The following CTNNA1 variants were observed in gnomAD, a reference collection of about 807,000 sequenced individuals.
CTNNA1 encodes catenin alpha-1.
CTNNA1 carries 37 observed loss-of-function variants against 98.4 expected under a neutral mutation model. That is an observed-to-expected ratio of 0.38 (90% CI 0.29 to 0.49). The LOEUF (loss-of-function observed/expected upper bound fraction) is 0.49. Among genes scored for constraint, CTNNA1 ranks in the 20% least tolerant of loss-of-function variants. The probability of loss-of-function intolerance (pLI) is 0.95; values close to 1 mark genes in which losing one functional copy is unlikely to be tolerated. For missense variants in CTNNA1, 761 were observed against 1,147.2 expected (o/e 0.66, Z 4.86); for synonymous variants, 404 against 413.2 (o/e 0.98, Z 0.27).
At chr5:138,871,201 T>A (rs1240547073) in intron 7 of CTNNA1, 1 of 152,218 alleles carries the variant, frequency 6.6e-6, no homozygotes, top group East Asian at 1.9e-4. Flanking sequence ...GATATCATGT[T>A]GATGTTGATG....
intron 1 of CTNNA1, among the ~76,000 whole-genome samples, chr5:138,770,222 C>CT (rs542355437): frequency 6.6e-6 from 1 of 152,158 alleles, no homozygotes; most frequent in Non-Finnish European, 1.5e-5. Context: ...TCTGTATTTT[C>CT]TTTTTTCTCT....
intron 1 of CTNNA1, chr5:138,753,763 G>A: frequency 3.4e-6 from 1 of 291,596 alleles, no homozygotes; most frequent in Non-Finnish European, 6.3e-6. Context: ...CAGCGCTCGG[G>A]AAGTCGGGGG....
chr5:138,814,268 G>A (rs1468053093), intron 5 of CTNNA1, among the ~76,000 whole-genome samples: 1 of 144,438 alleles, frequency 6.9e-6, no homozygotes, highest in East Asian at 2.0e-4. Context: ...TTTTTTTTGA[G>A]ATGGAGTTTC....
At chr5:138,871,365 G>A (rs558759491) in intron 7 of CTNNA1, 252 of 152,286 alleles carry the variant, frequency 1.7e-3, no homozygotes, top group African/African-American at 5.8e-3. Flanking sequence ...GTGGAACAAT[G>A]TTTATGGAAA....
intron 7 of CTNNA1, among the ~76,000 whole-genome samples, chr5:138,867,014 A>G (rs749811425): frequency 1.3e-5 from 2 of 152,240 alleles, no homozygotes; most frequent in African/African-American, 4.8e-5. Context: ...TATAGACAAA[A>G]TTAATTAAAA....
intron 7 of CTNNA1, among the ~76,000 whole-genome samples, chr5:138,842,721 C>G (rs1388279840): frequency 6.6e-6 from 1 of 152,116 alleles, no homozygotes; most frequent in African/African-American, 2.4e-5. Flanking sequence ...AACACCAGGC[C>G]TAAATGGGTT....
intron 3 of CTNNA1, among the ~76,000 whole-genome samples, chr5:138,785,501 A>T (rs1397806491): frequency 7.9e-5 from 9 of 113,404 alleles, no homozygotes; most frequent in Non-Finnish European, 1.4e-4. Context: ...CGAAACTCAC[A>T]ATCATATTAA....
chr5:138,872,027 A>AGAGTGT (rs761374260), intron 7 of CTNNA1: 6 of 133,066 alleles, frequency 4.5e-5, no homozygotes, highest in Non-Finnish European at 9.7e-5. Context: ...AGAGCGCGAG[A>AGAGTGT]GTGTGTGTGT....
chr5:138,782,510 G>C, intron 2 of CTNNA1: 1 of 276,966 alleles, frequency 3.6e-6, no homozygotes, highest in Non-Finnish European at 7.2e-6. Flanking sequence ...TTTTACAATA[G>C]TATGTCTATT....
chr5:138,907,063 C>A (rs1264125206), intron 10 of CTNNA1, among the ~76,000 whole-genome samples: 1 of 152,266 alleles, frequency 6.6e-6, no homozygotes, highest in Middle Eastern at 3.4e-3. Flanking sequence ...ACTCTGTCAC[C>A]CAGGCTGGAG....
intron 1 of CTNNA1, among the ~76,000 whole-genome samples, chr5:138,765,486 T>C (rs1304137827): frequency 1.3e-5 from 2 of 152,186 alleles, no homozygotes; most frequent in Non-Finnish European, 2.9e-5. Context: ...CTGGCCATTT[T>C]GCTGTATCTC....
intron 9 of CTNNA1, among the ~76,000 whole-genome samples, chr5:138,900,461 G>A (rs149313385): frequency 1.7e-3 from 256 of 152,212 alleles, no homozygotes; most frequent in Middle Eastern, 6.8e-3. Flanking sequence ...AGGATAAGAG[G>A]AACTCAGCCA....
At chr5:138,932,526 G>A (rs952346423) in intron 16 of CTNNA1, 52 bp from the exon 17 acceptor site, 10 of 1,602,958 alleles carry the variant, frequency 6.2e-6, no homozygotes, top group Admixed American at 5.0e-5. Context: ...GTGGGGTCGG[G>A]GGTGCTTGGG....
intron 5 of CTNNA1, 136 bp from the exon 6 acceptor site, chr5:138,824,394 C>T (rs1296319421): frequency 1.3e-5 from 13 of 984,796 alleles, no homozygotes; most frequent in Non-Finnish European, 1.5e-6. Flanking sequence ...GTGATTGACT[C>T]TCAACTAGAT....
intron 1 of CTNNA1, among the ~76,000 whole-genome samples, chr5:138,758,662 A>T (rs1050113902): frequency 6.6e-6 from 1 of 152,352 alleles, no homozygotes; most frequent in African/African-American, 2.4e-5. Context: ...GGTGTGAGCC[A>T]CCACACCCGG....
At chr5:138,782,857 C>G (rs749599152) in intron 2 of CTNNA1, among the ~76,000 whole-genome samples, 19 of 152,170 alleles carry the variant, frequency 1.2e-4, no homozygotes, top group Non-Finnish European at 2.5e-4. Flanking sequence ...TCTGGAACAT[C>G]TTGGTGACAT....
chr5:138,883,098 C>G (rs1382145199), intron 7 of CTNNA1, among the ~76,000 whole-genome samples: 2 of 152,014 alleles, frequency 1.3e-5, no homozygotes, highest in Non-Finnish European at 2.9e-5. Context: ...AACTCCTGAT[C>G]TCAGGCTGTC....
chr5:138,795,227 C>T (rs936786204), intron 3 of CTNNA1, among the ~76,000 whole-genome samples: 1 of 148,414 alleles, frequency 6.7e-6, no homozygotes, highest in Admixed American at 6.7e-5. Context: ...TTTGGGAGGC[C>T]GAGGTGGGTG....
chr5:138,795,410 A>G (rs954110929), intron 3 of CTNNA1, among the ~76,000 whole-genome samples: 3 of 152,080 alleles, frequency 2.0e-5, no homozygotes, highest in Admixed American at 6.6e-5. Context: ...GTGAGCCGAG[A>G]TTGTGCCACG....
Sources: gnomAD v4.1 joint callset for allele counts (sites outside exome capture counted in the v4.1 genomes callset) on GRCh38, gnomAD v4.1.1 for gene constraint, MANE v1.5 for transcripts, NCBI Gene and HGNC (gene_info 2026-07-23, HGNC 2026-07-21) for gene names.